The following MARCHF5 variants were observed in gnomAD, a reference collection of about 807,000 sequenced individuals.
MARCHF5 encodes the protein membrane associated ring-CH-type finger 5, also known as E3 ubiquitin-protein ligase MARCHF5.
In MARCHF5, 5 loss-of-function variants were observed where a neutral mutation model predicts 36.5. That is an observed-to-expected ratio of 0.14 (90% confidence interval 0.07 to 0.29). The LOEUF (loss-of-function observed/expected upper bound fraction) is 0.29. Ranked by LOEUF, MARCHF5 falls within the 10% of genes least tolerant of loss-of-function variation. The pLI is 1.00. For missense variants in MARCHF5, 179 were observed against 336.3 expected (o/e 0.53, Z 3.66); for synonymous variants, 103 against 109.9 (o/e 0.94, Z 0.39).
intron 3 of MARCHF5, among the ~76,000 whole-genome samples, chr10:92,348,860 C>A (rs569838621): frequency 6.6e-6 from 1 of 152,242 alleles, no homozygotes; most frequent in African/African-American, 2.4e-5. Flanking sequence ...TCTTACACAC[C>A]ACTAAGTAAG....
At chr10:92,335,445 G>T (rs1395374719) in intron 2 of MARCHF5, among the ~76,000 whole-genome samples, 1 of 152,144 alleles carries the variant, frequency 6.6e-6, no homozygotes, top group African/African-American at 2.4e-5. Flanking sequence ...TATTCTAATG[G>T]TATGCTTAGC....
intron 2 of MARCHF5, among the ~76,000 whole-genome samples, chr10:92,320,077 A>G (rs970583073): frequency 2.0e-5 from 3 of 150,864 alleles, no homozygotes; most frequent in Non-Finnish European, 4.4e-5. Flanking sequence ...ATATAGAGAC[A>G]GGGTCTTACT....
rs934343597 is a variant in MARCHF5, at chr10:92,353,849, CTTAA to C, written c.*2646_*2649del. Reference sequence around the variant, plus strand: ...AAGAATATAAAATTAAACTTAGTGACTTAATTAGTCACTGCCTTGCTAACTTTGC... The same window carrying C: ...AAGAATATAAAATTAAACTTAGTGACTTAGTCACTGCCTTGCTAACTTTGC... On this transcript the variant is annotated 3_prime_UTR_variant, in exon 6 of 6. Coordinates refer to ENST00000358935, the MANE Select transcript of MARCHF5 (RefSeq NM_017824.5). The C allele has an allele frequency of 2.0e-4, 31 of 152,668 alleles. No homozygotes were observed. Among genetic ancestry groups the C allele is most frequent in the African/African-American group, 5.1e-4 (21 of 41,550 alleles). The allele number at this position is 152,668 out of a possible 1,614,324, so 9.5% of individuals were successfully genotyped here.
intron 3 of MARCHF5, among the ~76,000 whole-genome samples, chr10:92,347,897 C>A (rs1300992952): frequency 6.6e-6 from 1 of 151,980 alleles, no homozygotes; most frequent in East Asian, 1.9e-4. Flanking sequence ...TAAAACATTT[C>A]TGGGGCCGGG....
rs1048180492 is a variant in MARCHF5 at position 92,352,248 on chromosome 10, C to G, written c.*1041C>G. On this transcript the variant is annotated 3_prime_UTR_variant, in exon 6 of 6. Transcript: ENST00000358935. The stretch of plus-strand genomic sequence containing the variant: ...CATAGAAAACCAGCAGTGAATAAAC[C>G]AAGGTGAGGCCTTGAGCTCTTTGTT... The G allele has an allele frequency of 3.3e-5, 5 of 152,250 alleles. No individual in the cohort carries two copies. Among genetic ancestry groups the G allele is most frequent in the Non-Finnish European group, 5.9e-5 (4 of 67,996 alleles). 9.4% of individuals were successfully genotyped at this position (152,250 alleles called of 1,614,324 possible).
chr10:92,291,595 C>T lies in MARCHF5; in HGVS notation c.35+66C>T, dbSNP rs1842866128. 2.0e-6 allele frequency: 3 copies of T among 1,466,456 alleles called. No homozygotes were observed. The African/African-American group carries it at 4.4e-5, about 21-fold the overall frequency. The allele number at this position is 1,466,456 out of a possible 1,614,324, so 90.8% of individuals were successfully genotyped here. A position where few individuals can be genotyped will look rare whatever the true frequency, so the allele number is the denominator to read the frequency against. ...CGCTCTGGCCCTGCCCGCGCCCGCC[C>T]TCGAGGCTCTTGGTGAGCAGAACCC... On this transcript the variant is annotated intron_variant, in intron 1 of 5. Coordinates refer to ENST00000358935, the MANE Select transcript of MARCHF5 (RefSeq NM_017824.5).
rs58808228 is a variant in MARCHF5 at position 92,347,941 on chromosome 10, C to T, written c.370-1408C>T. ...CTCACGCCTGTAATCCCAGCACTGT[C>T]GGAGGCCGAGGCGGGTGGATCACCT... is the stretch of plus-strand genomic sequence containing the variant. On this transcript the variant is annotated intron_variant, in intron 3 of 5. Coordinates refer to ENST00000358935, the MANE Select transcript of MARCHF5 (RefSeq NM_017824.5). Among the ~76,000 whole-genome samples the T allele has an allele frequency of 5.4e-3, 809 of 151,022 alleles. 8 individuals are homozygous for T. Among genetic ancestry groups the T allele is most frequent in the African/African-American group, 0.019 (769 of 41,114 alleles).
chr10:92,353,621 T>C lies in MARCHF5; in HGVS notation c.*2414T>C, dbSNP rs999084817. On this transcript the variant is annotated 3_prime_UTR_variant, in exon 6 of 6. Coordinates refer to ENST00000358935, the MANE Select transcript of MARCHF5 (RefSeq NM_017824.5). ...CATTGGGGACAAATGAAAGAGATGA[T>C]GTAGATTTTTCGGATGGGTGGGTAT... 1 of 152,556 alleles carries C rather than the reference T, an allele frequency of 6.6e-6. No individual in the cohort carries two copies. The highest frequency in any genetic ancestry group is 1.5e-5 in the Non-Finnish European group (1 of 68,022). 9.5% of individuals were successfully genotyped at this position (152,556 alleles called of 1,614,324 possible).
chr10:92,346,863 TTCGC>T (rs917889970), intron 3 of MARCHF5, among the ~76,000 whole-genome samples: 3 of 152,146 alleles, frequency 2.0e-5, no homozygotes, highest in Non-Finnish European at 4.4e-5. Context: ...CTTCCTCTTG[TTCGC>T]TCTAGTCTAT....
rs1364776713 is a variant in MARCHF5 at position 92,291,245 on chromosome 10, G to A, written c.-250G>A. The A allele has an allele frequency of 1.9e-6, 1 of 539,684 alleles. No homozygotes were observed. Among genetic ancestry groups the A allele is most frequent in the Non-Finnish European group, 3.2e-6 (1 of 310,356 alleles). The allele number at this position is 539,684 out of a possible 1,614,324, so 33.4% of individuals were successfully genotyped here. On this transcript the variant is annotated 5_prime_UTR_variant, in exon 1 of 6. Coordinates refer to ENST00000358935, the MANE Select transcript of MARCHF5 (RefSeq NM_017824.5). ...GACCGGAACCTCGGGCCGACGGACG[G>A]GAACCCGGGCCGCGATCGCCGCCTC...
chr10:92,325,230 T>C (rs1353902343), intron 2 of MARCHF5, among the ~76,000 whole-genome samples: 1 of 152,156 alleles, frequency 6.6e-6, no homozygotes, highest in African/African-American at 2.4e-5. Flanking sequence ...TGGTCTCTGC[T>C]AGCTCAGGAG....
chr10:92,327,827 G>A (rs897879068), intron 2 of MARCHF5, among the ~76,000 whole-genome samples: 1 of 152,050 alleles, frequency 6.6e-6, no homozygotes, highest in African/African-American at 2.4e-5. Context: ...GAGATAAACA[G>A]GGCGAAGTCA....
intron 1 of MARCHF5, among the ~76,000 whole-genome samples, chr10:92,298,595 A>G (rs1199601628): frequency 1.3e-5 from 2 of 152,156 alleles, no homozygotes; most frequent in Non-Finnish European, 2.9e-5. Context: ...TTTTTGAGAC[A>G]GGGTCTGGCT....
intron 3 of MARCHF5, among the ~76,000 whole-genome samples, chr10:92,347,958 G>A (rs918856907): frequency 6.7e-6 from 1 of 148,360 alleles, no homozygotes; most frequent in Non-Finnish European, 1.5e-5. Context: ...CGAGGCGGGT[G>A]GATCACCTGA....
intron 3 of MARCHF5, among the ~76,000 whole-genome samples, chr10:92,346,492 C>CTTTTTTTTTTTT (rs763991703): frequency 3.4e-5 from 3 of 88,302 alleles, no homozygotes; most frequent in Admixed American, 1.4e-4. Flanking sequence ...CTATTTCCTT[C>CTTTTTTTTTTTT]TTTTTTTTTT....
At chr10:92,344,908 A>G (rs1015276612) in intron 3 of MARCHF5, among the ~76,000 whole-genome samples, 1 of 152,140 alleles carries the variant, frequency 6.6e-6, no homozygotes, top group Admixed American at 6.5e-5. Context: ...ATTTTATGAC[A>G]TAGATTATTG....
chr10:92,295,310 CTTTTCTTT>C (rs1590641840), intron 1 of MARCHF5, among the ~76,000 whole-genome samples: 4 of 26,224 alleles, frequency 1.5e-4, no homozygotes, highest in African/African-American at 2.7e-4. Flanking sequence ...CTAGAGGCAA[CTTTTCTTT>C]TTTTTTTTTT....
chr10:92,347,823 A>C (rs912296015), intron 3 of MARCHF5, among the ~76,000 whole-genome samples: 1 of 152,212 alleles, frequency 6.6e-6, no homozygotes, highest in African/African-American at 2.4e-5. Context: ...AATTAGATAA[A>C]TTAACCAAGT....
At chr10:92,313,673 G>A (rs995054382) in intron 2 of MARCHF5, among the ~76,000 whole-genome samples, 4 of 151,950 alleles carry the variant, frequency 2.6e-5, no homozygotes, top group African/African-American at 7.3e-5. Flanking sequence ...AAGCTGGGGC[G>A]AGTAGATTGC....
Sources: allele counts gnomAD v4.1 joint callset (sites outside exome capture counted in the v4.1 genomes callset), GRCh38; gene constraint gnomAD v4.1.1; transcripts MANE v1.5; gene names NCBI Gene and HGNC (gene_info 2026-07-23, HGNC 2026-07-21).